Variants in ANKRD11 observed in about 807,000 individuals in gnomAD.
ANKRD11 encodes the protein ankyrin repeat domain-containing protein 11.
ANKRD11 carries 17 observed loss-of-function variants against 195.7 expected under a neutral mutation model. The observed-to-expected ratio is 0.09, with a 90% CI of 0.06 to 0.13. The LOEUF (loss-of-function observed/expected upper bound fraction) is 0.13, where lower values mean the gene tolerates loss of function less well. ANKRD11 is among the 10% of genes least tolerant of loss of function. The pLI is 1.00. For synonymous variants in ANKRD11, 1,953 were observed against 1,528.1 expected (o/e 1.28, Z -6.49); for missense variants, 3,735 against 3,566.1 (o/e 1.05, Z -1.21).
chr16:89,337,249 C>G (rs1482843844), intron 2 of ANKRD11, among the ~76,000 whole-genome samples: 1 of 151,632 alleles, frequency 6.6e-6, no homozygotes, highest in East Asian at 1.9e-4. Context: ...GGAGGAAGCC[C>G]CATGCCCAAA....
At chr16:89,413,700 C>T (rs1251010445) in intron 2 of ANKRD11, among the ~76,000 whole-genome samples, 1 of 152,226 alleles carries the variant, frequency 6.6e-6, no homozygotes, top group African/African-American at 2.4e-5. Flanking sequence ...CAAACCTAGT[C>T]CTGTGGCTGT....
intron 2 of ANKRD11, among the ~76,000 whole-genome samples, chr16:89,358,911 G>A (rs564841951): frequency 1.3e-5 from 2 of 151,750 alleles, no homozygotes; most frequent in East Asian, 1.9e-4. Context: ...CCACAGCCTC[G>A]ACCTCCTGGG....
At chr16:89,469,391 T>G (rs1396750668) in intron 1 of ANKRD11, among the ~76,000 whole-genome samples, 3 of 151,950 alleles carry the variant, frequency 2.0e-5, no homozygotes, top group Non-Finnish European at 4.4e-5. Context: ...CCAGCTAATT[T>G]TTTTGCATTT....
At chr16:89,270,318 G>A (rs992242343) in intron 12 of ANKRD11, 6 of 226,376 alleles carry the variant, frequency 2.7e-5, no homozygotes, top group Admixed American at 1.7e-4. Context: ...ACAGGGTGAC[G>A]CTGACTGTAA....
chr16:89,373,898 C>G (rs1401852759), intron 2 of ANKRD11, among the ~76,000 whole-genome samples: 1 of 152,252 alleles, frequency 6.6e-6, no homozygotes, highest in Admixed American at 6.5e-5. Context: ...GGGCCTGAGT[C>G]TTGGCAGGCG....
chr16:89,314,755 C>G (rs1486331185), intron 3 of ANKRD11, among the ~76,000 whole-genome samples: 2 of 152,156 alleles, frequency 1.3e-5, no homozygotes, highest in Non-Finnish European at 2.9e-5. Flanking sequence ...TGACAGGTGC[C>G]ACCTCGCCAT....
intron 1 of ANKRD11, among the ~76,000 whole-genome samples, chr16:89,450,849 A>C (rs1466446210): frequency 6.6e-6 from 1 of 152,108 alleles, no homozygotes; most frequent in Non-Finnish European, 1.5e-5. Context: ...CACAGAAACT[A>C]AATATGCCTT....
chr16:89,286,497 A>T (rs761448113), intron 7 of ANKRD11: 24 of 516,454 alleles, frequency 4.6e-5, no homozygotes, highest in South Asian at 6.1e-5. Context: ...CCGCAAGTAG[A>T]CGACTTCCCA....
At chr16:89,404,160 A>C (rs1199298529) in intron 2 of ANKRD11, among the ~76,000 whole-genome samples, 1 of 152,202 alleles carries the variant, frequency 6.6e-6, no homozygotes, top group East Asian at 1.9e-4. Flanking sequence ...TCATGGACAC[A>C]GCCCACAGGT....
At chr16:89,448,960 T>C (rs533761319) in intron 1 of ANKRD11, among the ~76,000 whole-genome samples, 1 of 152,308 alleles carries the variant, frequency 6.6e-6, no homozygotes, top group African/African-American at 2.4e-5. Flanking sequence ...TTGTATTTAG[T>C]TCTTGGTAGC....
rs748169627 is a variant in ANKRD11 at position 89,305,348 on chromosome 16, G to A, written c.88-4C>T. The A allele has an allele frequency of 6.2e-7, 1 of 1,613,912 alleles. No homozygotes were observed. Among genetic ancestry groups the A allele is most frequent in the South Asian group, 1.1e-5 (1 of 91,088 alleles). On this transcript the variant is annotated splice_polypyrimidine_tract_variant and splice_region_variant and intron_variant, in intron 3 of 12. Coordinates refer to ENST00000301030, the MANE Select transcript of ANKRD11 (RefSeq NM_013275.6). ...TTAGAGAAACTTTATCTTTATCCTA[G>A]AAAAGAAAGGGATGCTTTCAGTCGT...
chr16:89,317,167 T>C, intron 2 of ANKRD11, 89 bp from the exon 3 acceptor site: 1 of 916,978 alleles, frequency 1.1e-6, no homozygotes. Context: ...ACTCAGTAAC[T>C]AGTCAAGGCA....
At position 89,284,161 on chromosome 16, in the gene ANKRD11, ATCT is replaced by A; in HGVS notation, c.2378_2380del (p.Lys793del). ...GAGTTTTTCTTTATCTTCTTTAAAA[ATCT>A]TCTCCTTCTCTTTTGAAATTTTGTC... is the stretch of plus-strand genomic sequence containing the variant. On this transcript the variant is annotated inframe_deletion, in exon 9 of 13. Coordinates refer to ENST00000301030, the MANE Select transcript of ANKRD11 (RefSeq NM_013275.6). The A allele has an allele frequency of 6.2e-7, 1 of 1,604,106 alleles. No individual in the cohort carries two copies. The highest frequency in any genetic ancestry group is 8.5e-7 in the Non-Finnish European group (1 of 1,177,036).
At chr16:89,469,527 T>C (rs1008131908) in intron 1 of ANKRD11, among the ~76,000 whole-genome samples, 1 of 151,896 alleles carries the variant, frequency 6.6e-6, no homozygotes, top group African/African-American at 2.4e-5. Context: ...CTGGTTGATC[T>C]CCACTCATCA....
At chr16:89,272,052 A>G (rs1360169441) in intron 11 of ANKRD11, 1 of 152,138 alleles carries the variant, frequency 6.6e-6, no homozygotes, top group Non-Finnish European at 1.5e-5. Context: ...ATATGAAAAA[A>G]TCTAATAATC....
chr16:89,282,516 C>G lies in ANKRD11; in HGVS notation c.4026G>C (p.Glu1342Asp), dbSNP rs1029683438. ...TGTGCCTCTCCTTCTCTTTCAGCTT[C>G]TCAGGGAGGCAGGCGCTCTCCCTCG... ...DKPRESACLPEKLKEKERHRH... is the reference protein window; with the variant it reads ...DKPRESACLPDKLKEKERHRH... Residue 1342 changes from glutamate (E) to aspartate (D), a missense_variant, in exon 9 of 13, where the codon GAG becomes GAC. Transcript: ENST00000301030. The G allele has an allele frequency of 6.2e-7, 1 of 1,614,082 alleles. No homozygotes were observed. The highest frequency in any genetic ancestry group is 8.5e-7 in the Non-Finnish European group (1 of 1,180,010).
intron 1 of ANKRD11, among the ~76,000 whole-genome samples, chr16:89,420,977 C>A (rs2042486644): frequency 6.6e-6 from 1 of 152,282 alleles, no homozygotes; most frequent in African/African-American, 2.4e-5. Context: ...ACTGTCAGCT[C>A]CTGCCTACAG....
intron 7 of ANKRD11, chr16:89,286,703 A>C (rs2034673585): frequency 8.0e-7 from 1 of 1,253,468 alleles, no homozygotes; most frequent in African/African-American, 1.6e-5. Flanking sequence ...TTACATTAGA[A>C]AATAATCTCT....
intron 1 of ANKRD11, among the ~76,000 whole-genome samples, chr16:89,445,663 A>G (rs2043752028): frequency 6.6e-6 from 1 of 152,062 alleles, no homozygotes; most frequent in Non-Finnish European, 1.5e-5. Flanking sequence ...ATCAGGAAAT[A>G]ACTGTATTTT....
Sources: allele counts gnomAD v4.1 joint callset (sites outside exome capture counted in the v4.1 genomes callset), GRCh38; gene constraint gnomAD v4.1.1; transcripts MANE v1.5; gene names NCBI Gene and HGNC (gene_info 2026-07-23, HGNC 2026-07-21).